Variants in OTUD7A observed in about 807,000 individuals in gnomAD.
OTUD7A encodes the protein OTU deubiquitinase 7A.
A neutral mutation model predicts 65.7 loss-of-function variants in OTUD7A; 12 were observed. The ratio of observed to expected loss-of-function variants is 0.18; its 90% CI spans 0.12 to 0.30. The LOEUF (loss-of-function observed/expected upper bound fraction) is 0.30. OTUD7A is among the 10% of genes least tolerant of loss of function. The probability of loss-of-function intolerance (pLI) is 1.00; values close to 1 mark genes in which losing one functional copy is unlikely to be tolerated. For missense variants in OTUD7A, 1,148 were observed against 1,304.8 expected, an observed-to-expected ratio of 0.88 and a Z score of 1.85; for synonymous variants, 641 against 586.3, an observed-to-expected ratio of 1.09 and a Z score of -1.35.
intron 3 of OTUD7A, among the ~76,000 whole-genome samples, chr15:31,619,480 C>A (rs5962585): frequency 0.29 from 43,473 of 151,856 alleles, 7,349 homozygotes; most frequent in African/African-American, 0.47. Context: ...CTGAAGAGGT[C>A]CTTCACATCC....
intron 3 of OTUD7A, among the ~76,000 whole-genome samples, chr15:31,611,408 A>G (rs1362677732): frequency 6.6e-6 from 1 of 152,226 alleles, no homozygotes; most frequent in Non-Finnish European, 1.5e-5. Context: ...TTGACAGACC[A>G]TTAGTAAGAT....
chr15:31,683,638 T>C (rs1892771137), intron 1 of OTUD7A, among the ~76,000 whole-genome samples: 2 of 152,244 alleles, frequency 1.3e-5, no homozygotes, highest in South Asian at 4.1e-4. Flanking sequence ...AATATATACA[T>C]CTACTATACA....
intron 3 of OTUD7A, among the ~76,000 whole-genome samples, chr15:31,595,326 T>C (rs1889870892): frequency 6.6e-6 from 1 of 152,222 alleles, no homozygotes; most frequent in Non-Finnish European, 1.5e-5. Flanking sequence ...TTAAAATGTA[T>C]CTTTCTGTGC....
chr15:31,862,442 T>C (rs1897766829), intron 1 of OTUD7A, among the ~76,000 whole-genome samples: 1 of 152,120 alleles, frequency 6.6e-6, no homozygotes, highest in African/African-American at 2.4e-5. Context: ...TACCCGAAAC[T>C]GGGAACAAAA....
In OTUD7A at chr15:31,859,555, T is replaced by A. The variant is rs547488550; in HGVS notation, c.-100+10952A>T. On this transcript the variant is annotated intron_variant, in intron 1 of 12. Coordinates refer to ENST00000307050, the MANE Select transcript of OTUD7A (RefSeq NM_001382637.1). The stretch of plus-strand genomic sequence containing the variant: ...AATTTTCTGCTTTAAGGAGACCAAC[T>A]TTCTTTCCCCCTTGTGGGATAATAT... Among the ~76,000 whole-genome samples, 8 of 152,346 alleles carry A rather than the reference T, an allele frequency of 5.3e-5. No individual in the cohort carries two copies. In the South Asian group the frequency reaches 1.7e-3, roughly 32 times the overall value.
At chr15:31,505,117 A>G (rs745834415) in intron 8 of OTUD7A, among the ~76,000 whole-genome samples, 8 of 152,320 alleles carry the variant, frequency 5.3e-5, no homozygotes, top group Admixed American at 2.6e-4. Flanking sequence ...AAAGGAGATA[A>G]GGTTATTTAT....
Position 31,487,126 on chromosome 15 carries a change from C to G in OTUD7A, c.1371+68G>C, listed in dbSNP as rs1018121711. 2.0e-6 allele frequency: 3 copies of G among 1,483,298 alleles called. No individual in the cohort carries two copies. Among genetic ancestry groups the G allele is most frequent in the Non-Finnish European group, 2.8e-6 (3 of 1,073,114 alleles). 91.9% of individuals were successfully genotyped at this position (1,483,298 alleles called of 1,614,324 possible). A position where few individuals can be genotyped will look rare whatever the true frequency, so the allele number is the denominator to read the frequency against. The stretch of plus-strand genomic sequence containing the variant: ...GTGGGAGCATTTGGGAGGATGCACC[C>G]TGGTCAGACTGGAGCTGAGCAGCCT... On this transcript the variant is annotated intron_variant, in intron 12 of 12. Transcript: ENST00000307050. The surrounding 1 kb of genome is among the most constrained non-coding windows in gnomAD (Gnocchi z 6.0).
At chr15:31,542,012 T>C (rs904228300) in intron 5 of OTUD7A, among the ~76,000 whole-genome samples, 4 of 152,054 alleles carry the variant, frequency 2.6e-5, no homozygotes, top group Non-Finnish European at 4.4e-5. Context: ...AGCCAAGAAA[T>C]TAACCTAAAA....
intron 1 of OTUD7A, among the ~76,000 whole-genome samples, chr15:31,690,408 C>A (rs935919596): frequency 2.1e-4 from 32 of 151,930 alleles, no homozygotes; most frequent in Non-Finnish European, 4.3e-4. Context: ...AATAAATTTT[C>A]TGACTTCTAA....
intron 3 of OTUD7A, among the ~76,000 whole-genome samples, chr15:31,575,553 C>T (rs1016923424): frequency 6.6e-6 from 1 of 152,158 alleles, no homozygotes; most frequent in Non-Finnish European, 1.5e-5. Flanking sequence ...CACAGGTTTA[C>T]TTTTTGCTTG....
chr15:31,793,437 C>T (rs1016500128), intron 1 of OTUD7A, among the ~76,000 whole-genome samples: 2 of 152,222 alleles, frequency 1.3e-5, no homozygotes, highest in African/African-American at 2.4e-5. Flanking sequence ...CCTCTCTCCT[C>T]ACTGAGTCCC....
At chr15:31,589,015 T>C (rs773841366) in intron 3 of OTUD7A, among the ~76,000 whole-genome samples, 3 of 152,166 alleles carry the variant, frequency 2.0e-5, no homozygotes, top group Admixed American at 1.3e-4. Context: ...CATGGCCACA[T>C]TGAAGTGCAA....
At chr15:31,741,280 G>T (rs1941115534) in intron 1 of OTUD7A, among the ~76,000 whole-genome samples, 1 of 152,038 alleles carries the variant, frequency 6.6e-6, no homozygotes, top group Admixed American at 6.6e-5. Flanking sequence ...GGTTGTGGTG[G>T]GAACAAGGAT....
intron 1 of OTUD7A, among the ~76,000 whole-genome samples, chr15:31,701,552 T>G (rs886892533): frequency 6.6e-6 from 1 of 151,822 alleles, no homozygotes; most frequent in African/African-American, 2.4e-5. Flanking sequence ...TTTAGCAACT[T>G]AGATGAAATG....
chr15:31,711,105 C>A lies in OTUD7A; in HGVS notation c.-99-54028G>T, dbSNP rs575316730. 1.1e-3 allele frequency among the ~76,000 whole-genome samples: 163 copies of A among 149,456 alleles called. 4 individuals carry two copies. In the East Asian group the frequency reaches 0.029, roughly 27 times the overall value. On this transcript the variant is annotated intron_variant, in intron 1 of 12. Transcript: ENST00000307050. ...ACAAAACCCTTTCTATGGTGAATAG[C>A]AAATAGAGTTGAAGTGTTCAACACC...
intron 1 of OTUD7A, among the ~76,000 whole-genome samples, chr15:31,813,872 T>A (rs1229010826): frequency 1.3e-5 from 2 of 152,004 alleles, no homozygotes; most frequent in African/African-American, 2.4e-5. Context: ...GTCAGGAGGC[T>A]CTACTTACGT....
chr15:31,826,573 T>A (rs920146274), intron 1 of OTUD7A, among the ~76,000 whole-genome samples: 6 of 152,220 alleles, frequency 3.9e-5, no homozygotes, highest in Non-Finnish European at 7.4e-5. Context: ...TTTTCCCCAT[T>A]GTCTTGGGGA....
At chr15:31,764,096 A>T (rs1029833649) in intron 1 of OTUD7A, among the ~76,000 whole-genome samples, 2 of 152,226 alleles carry the variant, frequency 1.3e-5, no homozygotes, top group Non-Finnish European at 2.9e-5. Context: ...AAGCAACAGA[A>T]ATGGTACATA....
At chr15:31,680,546 GA>G (rs2141305160) in intron 1 of OTUD7A, among the ~76,000 whole-genome samples, 1 of 152,282 alleles carries the variant, frequency 6.6e-6, no homozygotes, top group South Asian at 2.1e-4. Context: ...TGTCCAGAAG[GA>G]AAACTGGCTA....
Sources: allele counts gnomAD v4.1 joint callset (sites outside exome capture counted in the v4.1 genomes callset), GRCh38; gene constraint gnomAD v4.1.1; non-coding constraint Gnocchi (gnomAD v3.1); transcripts MANE v1.5; gene names NCBI Gene and HGNC (gene_info 2026-07-23, HGNC 2026-07-21).